CCDC192: variants seen among roughly 807,000 people sequenced by gnomAD.
CCDC192 encodes the protein coiled-coil domain-containing protein 192.
At chr5:127,932,423 C>T (rs1210432602) in intron 6 of CCDC192, among the ~76,000 whole-genome samples, 3 of 152,024 alleles carry the variant, frequency 2.0e-5, no homozygotes, top group Non-Finnish European at 2.9e-5. Context: ...AGGCTGGTCT[C>T]GAACTCCCAA....
At chr5:127,715,340 T>C (rs1254485430) in intron 2 of CCDC192, among the ~76,000 whole-genome samples, 1 of 152,236 alleles carries the variant, frequency 6.6e-6, no homozygotes, top group African/African-American at 2.4e-5. Flanking sequence ...CTTCTGCATA[T>C]GGATGTCCAG....
chr5:127,863,703 G>T (rs915061837), intron 5 of CCDC192, among the ~76,000 whole-genome samples: 3 of 152,122 alleles, frequency 2.0e-5, no homozygotes, highest in African/African-American at 7.2e-5. Flanking sequence ...TACATTTTAT[G>T]TTATGCACTT....
intron 6 of CCDC192, among the ~76,000 whole-genome samples, chr5:127,904,053 G>A (rs982564277): frequency 2.0e-5 from 3 of 152,174 alleles, no homozygotes; most frequent in African/African-American, 4.8e-5. Flanking sequence ...GTAATCACCT[G>A]AGTCCTTAAA....
intron 5 of CCDC192, among the ~76,000 whole-genome samples, chr5:127,821,004 TC>T (rs1749261806): frequency 1.3e-5 from 2 of 151,996 alleles, no homozygotes; most frequent in Non-Finnish European, 2.9e-5. Flanking sequence ...TTTCCTCCCA[TC>T]CCTATAGTAT....
At chr5:127,710,122 C>T (rs530895393) in intron 2 of CCDC192, among the ~76,000 whole-genome samples, 2 of 152,154 alleles carry the variant, frequency 1.3e-5, no homozygotes, top group South Asian at 2.1e-4. Context: ...GGTTGTGCTT[C>T]GGTTTCTGAT....
In CCDC192 at chr5:127,813,391, C is replaced by A. The variant is rs772066313; in HGVS notation, c.411+15229C>A. 1.5e-3 allele frequency among the ~76,000 whole-genome samples: 221 copies of A among 152,032 alleles called. 2 individuals are homozygous for A. Among genetic ancestry groups the A allele is most frequent in the Non-Finnish European group, 2.9e-4 (20 of 68,022 alleles). ...CTAAAAATCATTGAGGATATCAATACCCTCTTTTGCAAAATAAAAAAGGAA... is the reference window on the plus strand; with the variant it reads ...CTAAAAATCATTGAGGATATCAATAACCTCTTTTGCAAAATAAAAAAGGAA... On this transcript the variant is annotated intron_variant, in intron 5 of 6. Transcript: ENST00000514853.
At chr5:127,844,955 C>G (rs1056255972) in intron 5 of CCDC192, among the ~76,000 whole-genome samples, 1 of 152,112 alleles carries the variant, frequency 6.6e-6, no homozygotes, top group Non-Finnish European at 1.5e-5. Flanking sequence ...TTTTTTAAAC[C>G]AAAGGGCGCC....
chr5:127,754,492 C>CAG, intron 3 of CCDC192, 117 bp downstream of exon 3: 1 of 264,390 alleles, frequency 3.8e-6, no homozygotes, highest in Admixed American at 6.7e-5. Context: ...CACACACACA[C>CAG]ATACACACAC....
chr5:127,848,859 A>G (rs539610629), intron 5 of CCDC192, among the ~76,000 whole-genome samples: 18 of 152,362 alleles, frequency 1.2e-4, no homozygotes, highest in African/African-American at 4.1e-4. Flanking sequence ...TGTAAATTTT[A>G]CATTGAAGAT....
At chr5:127,758,813 A>G (rs1372772053) in intron 3 of CCDC192, among the ~76,000 whole-genome samples, 1 of 152,230 alleles carries the variant, frequency 6.6e-6, no homozygotes, top group East Asian at 1.9e-4. Flanking sequence ...TTCTATCACC[A>G]GTGAATATAA....
At chr5:127,802,957 A>G (rs558559025) in intron 5 of CCDC192, among the ~76,000 whole-genome samples, 15 of 152,340 alleles carry the variant, frequency 9.8e-5, no homozygotes, top group African/African-American at 3.6e-4. Context: ...CAAATATAAC[A>G]TGCAAGTGAC....
At chr5:127,921,940 C>G (rs979312097) in intron 6 of CCDC192, among the ~76,000 whole-genome samples, 1 of 152,180 alleles carries the variant, frequency 6.6e-6, no homozygotes, top group Non-Finnish European at 1.5e-5. Flanking sequence ...TTGTCGTGCA[C>G]TAAAAAGTAC....
intron 2 of CCDC192, 51 bp from the exon 3 acceptor site, chr5:127,754,217 A>C (rs1580600874): frequency 2.5e-6 from 1 of 397,410 alleles, no homozygotes; most frequent in Non-Finnish European, 4.4e-6. Context: ...TTTGAGATGC[A>C]CTCAAACTAT....
chr5:127,895,770 G>A lies in CCDC192; in HGVS notation c.535+20109G>A, dbSNP rs12109703. Among the ~76,000 whole-genome samples the A allele has an allele frequency of 5.0e-3, 761 of 152,048 alleles. 9 individuals are homozygous for A. The highest frequency in any genetic ancestry group is 0.018 in the African/African-American group (742 of 41,462). On this transcript the variant is annotated intron_variant, in intron 6 of 6. Coordinates refer to ENST00000514853, the MANE Select transcript of CCDC192 (RefSeq NM_001317938.2). ...TGGGGGTATGACTTGAAGCCTGGGAGGCAGATGTTGCAGTGAGCTGAGATC... is the reference window on the plus strand; with the variant it reads ...TGGGGGTATGACTTGAAGCCTGGGAAGCAGATGTTGCAGTGAGCTGAGATC...
intron 2 of CCDC192, 101 bp from the exon 3 acceptor site, chr5:127,754,167 T>C (rs553818093): frequency 2.7e-4 from 105 of 393,256 alleles, no homozygotes; most frequent in South Asian, 8.3e-4. Flanking sequence ...AAGCCTATCA[T>C]TGATAAACTC....
At chr5:127,769,389 A>G (rs1755418495) in intron 3 of CCDC192, among the ~76,000 whole-genome samples, 1 of 151,782 alleles carries the variant, frequency 6.6e-6, no homozygotes, top group African/African-American at 2.4e-5. Flanking sequence ...GACAATATCA[A>G]ATAGGTTGTT....
intron 5 of CCDC192, among the ~76,000 whole-genome samples, chr5:127,849,342 CAGCTT>C (rs1030456387): frequency 6.6e-6 from 1 of 152,084 alleles, no homozygotes; most frequent in African/African-American, 2.4e-5. Context: ...TCAGCACTCT[CAGCTT>C]AGCAGCCCAC....
At chr5:127,932,153 CAAAA>C (rs571133232) in intron 6 of CCDC192, among the ~76,000 whole-genome samples, 8 of 72,282 alleles carry the variant, frequency 1.1e-4, no homozygotes, top group Non-Finnish European at 1.6e-4. Context: ...GACTCCGTCT[CAAAA>C]AAAAAAAAAA....
intron 5 of CCDC192, among the ~76,000 whole-genome samples, chr5:127,856,643 G>T (rs912002232): frequency 6.6e-6 from 1 of 152,174 alleles, no homozygotes; most frequent in Non-Finnish European, 1.5e-5. Flanking sequence ...CAAGAGACTT[G>T]CAACTCTTCA....
Sources: gnomAD v4.1 joint callset for allele counts (sites outside exome capture counted in the v4.1 genomes callset) on GRCh38, gnomAD v4.1.1 for gene constraint, MANE v1.5 for transcripts, NCBI Gene and HGNC (gene_info 2026-07-23, HGNC 2026-07-21) for gene names.